The following ITCH variants were observed in gnomAD, a reference collection of about 807,000 sequenced individuals.
ITCH encodes the protein E3 ubiquitin-protein ligase Itchy homolog.
ITCH carries 28 observed loss-of-function variants against 126.8 expected under a neutral mutation model. The observed-to-expected ratio is 0.22, with a 90% CI of 0.16 to 0.30. The LOEUF (loss-of-function observed/expected upper bound fraction) is 0.30, where lower values mean the gene tolerates loss of function less well. Among genes scored for constraint, ITCH ranks in the 10% least tolerant of loss-of-function variants. ITCH has a pLI of 1.00. For synonymous variants in ITCH, 342 were observed against 340.0 expected (o/e 1.01, Z -0.06); for missense variants, 631 against 1,032.4 (o/e 0.61, Z 5.33).
chr20:34,393,150 G>A (rs995151912), intron 2 of ITCH, among the ~76,000 whole-genome samples: 2 of 152,060 alleles, frequency 1.3e-5, no homozygotes, highest in Admixed American at 6.6e-5. Flanking sequence ...GATTTTCAGC[G>A]AACCTTCACT....
intron 12 of ITCH, among the ~76,000 whole-genome samples, chr20:34,455,110 C>T (rs950651677): frequency 1.1e-4 from 17 of 151,970 alleles, no homozygotes; most frequent in African/African-American, 3.6e-4. Context: ...GGATTACAGG[C>T]GTGAGCCACA....
At chr20:34,498,372 A>C (rs1990024362) in intron 23 of ITCH, among the ~76,000 whole-genome samples, 1 of 152,114 alleles carries the variant, frequency 6.6e-6, no homozygotes, top group Non-Finnish European at 1.5e-5. Context: ...AGTTTGTTGA[A>C]TAAATGTGGT....
chr20:34,465,801 T>C (rs945465163), intron 14 of ITCH, among the ~76,000 whole-genome samples: 8 of 152,192 alleles, frequency 5.3e-5, no homozygotes, highest in Non-Finnish European at 7.4e-5. Context: ...GCAGGGTTTT[T>C]CGTTGTGGAA....
intron 7 of ITCH, among the ~76,000 whole-genome samples, chr20:34,431,500 G>C (rs1415459682): frequency 2.6e-5 from 4 of 152,260 alleles, no homozygotes; most frequent in African/African-American, 9.6e-5. Context: ...ACTAGAGGAT[G>C]GGAGTGAGAT....
intron 6 of ITCH, among the ~76,000 whole-genome samples, chr20:34,422,895 A>G (rs1414643621): frequency 1.3e-5 from 2 of 151,948 alleles, no homozygotes; most frequent in Admixed American, 6.6e-5. Context: ...CCCAGGTTCA[A>G]GTGATTCTCT....
chr20:34,389,475 C>CT, intron 2 of ITCH, among the ~76,000 whole-genome samples: 1 of 152,118 alleles, frequency 6.6e-6, no homozygotes, highest in Admixed American at 6.6e-5. Flanking sequence ...ATTTTAGTCA[C>CT]TAATTTTGAC....
intron 6 of ITCH, among the ~76,000 whole-genome samples, chr20:34,421,045 A>G (rs1444863231): frequency 6.6e-6 from 1 of 152,174 alleles, no homozygotes; most frequent in African/African-American, 2.4e-5. Context: ...GAGGATTGAA[A>G]ATGGCCCTCT....
chr20:34,471,524 T>C lies in ITCH; in HGVS notation c.1569+9T>C, dbSNP rs773614249. 1.3e-6 allele frequency: 2 copies of C among 1,536,836 alleles called. No individual in the cohort carries two copies. The highest frequency in any genetic ancestry group is 1.7e-5 in the Admixed American group (1 of 59,916). ...AGGATTCCTTTCAACAGGTACTGTT[T>C]CATTCTCTCAATAATTTCCCCCCTG... is the stretch of plus-strand genomic sequence containing the variant. On this transcript the variant is annotated intron_variant, in intron 16 of 24. Transcript: ENST00000374864.
At chr20:34,369,204 C>T (rs924530261) in intron 1 of ITCH, among the ~76,000 whole-genome samples, 190 bp from the exon 2 acceptor site, 12 of 151,988 alleles carry the variant, frequency 7.9e-5, no homozygotes, top group African/African-American at 7.3e-5. Flanking sequence ...GGTGCACGCC[C>T]GTAGTGTAGT....
At chr20:34,364,724 CAAAAAAAA>C (rs1171765663) in intron 1 of ITCH, among the ~76,000 whole-genome samples, 1 of 45,572 alleles carries the variant, frequency 2.2e-5, no homozygotes, top group East Asian at 6.5e-4. Flanking sequence ...ACTAAAAATA[CAAAAAAAA>C]AAAAAAAAAA....
At chr20:34,408,574 T>G in intron 3 of ITCH, 77 bp from the exon 4 acceptor site, 1 of 1,353,520 alleles carries the variant, frequency 7.4e-7, no homozygotes, top group Non-Finnish European at 1.0e-6. Flanking sequence ...TAAATCTGCC[T>G]AATTATGAAG....
At chr20:34,470,977 TA>T (rs776717612) in intron 15 of ITCH, among the ~76,000 whole-genome samples, 12 of 152,332 alleles carry the variant, frequency 7.9e-5, no homozygotes, top group Non-Finnish European at 1.2e-4. Flanking sequence ...ACATAGATGT[TA>T]TATTCAGTGT....
chr20:34,419,756 G>A (rs953235190), intron 6 of ITCH, among the ~76,000 whole-genome samples: 4 of 152,208 alleles, frequency 2.6e-5, no homozygotes, highest in African/African-American at 9.6e-5. Context: ...GCCGGTTCAC[G>A]CCATTCTCCT....
intron 12 of ITCH, among the ~76,000 whole-genome samples, chr20:34,451,540 A>G (rs1173284319): frequency 6.6e-6 from 1 of 152,160 alleles, no homozygotes; most frequent in Non-Finnish European, 1.5e-5. Flanking sequence ...CTCTGTCTCT[A>G]CTGAAGCCTA....
chr20:34,501,668 A>C (rs1990253601), intron 23 of ITCH, among the ~76,000 whole-genome samples: 1 of 151,612 alleles, frequency 6.6e-6, no homozygotes, highest in Non-Finnish European at 1.5e-5. Context: ...CCAGCTACTC[A>C]GGAGGCTGAG....
At chr20:34,439,634 A>G (rs927315540) in intron 8 of ITCH, among the ~76,000 whole-genome samples, 5 of 152,188 alleles carry the variant, frequency 3.3e-5, no homozygotes, top group Non-Finnish European at 5.9e-5. Context: ...AGATGTCTTT[A>G]TTATAATCTT....
chr20:34,453,564 T>A (rs1985507209), intron 12 of ITCH, among the ~76,000 whole-genome samples: 1 of 152,044 alleles, frequency 6.6e-6, no homozygotes, highest in Admixed American at 6.6e-5. Flanking sequence ...ATCACTGCAC[T>A]CCAGCCTGGA....
At chr20:34,439,698 G>A (rs1259413910) in intron 8 of ITCH, among the ~76,000 whole-genome samples, 1 of 152,194 alleles carries the variant, frequency 6.6e-6, no homozygotes, top group Non-Finnish European at 1.5e-5. Context: ...AAGGTGTAAT[G>A]TATGACTACT....
At chr20:34,382,800 C>G (rs4911417) in intron 2 of ITCH, among the ~76,000 whole-genome samples, 82,938 of 150,266 alleles carry the variant, frequency 0.55, 23,439 homozygotes, top group African/African-American at 0.65. Context: ...CTGGAGTGCA[C>G]TGGCATGATC....
Sources: gnomAD v4.1 joint callset for allele counts (sites outside exome capture counted in the v4.1 genomes callset) on GRCh38, gnomAD v4.1.1 for gene constraint, MANE v1.5 for transcripts, NCBI Gene and HGNC (gene_info 2026-07-23, HGNC 2026-07-21) for gene names.